MDGA2: variants seen among roughly 807,000 people sequenced by gnomAD.
MDGA2 encodes the protein MAM domain containing glycosylphosphatidylinositol anchor 2.
Under a neutral mutation model 117.8 loss-of-function variants are expected in MDGA2, and 40 were observed. The observed-to-expected ratio is 0.34, with a 90% CI of 0.26 to 0.44. MDGA2 has a LOEUF of 0.44. MDGA2 is among the 20% of genes least tolerant of loss of function. The pLI, the probability that MDGA2 is intolerant of heterozygous loss-of-function variation, is 1.00. For synonymous variants in MDGA2, 452 were observed against 439.0 expected, an observed-to-expected ratio of 1.03 and a Z score of -0.37; for missense variants, 1,123 against 1,250.6, an observed-to-expected ratio of 0.90 and a Z score of 1.54.
chr14:47,665,955 A>C (rs1324750675), intron 1 of MDGA2, among the ~76,000 whole-genome samples: 2 of 150,758 alleles, frequency 1.3e-5, no homozygotes, highest in Non-Finnish European at 3.0e-5. Context: ...GGCGCACCAC[A>C]CAGGACTGGC....
intron 8 of MDGA2, among the ~76,000 whole-genome samples, chr14:47,020,407 T>A (rs1029493590): frequency 2.0e-5 from 3 of 152,078 alleles, no homozygotes; most frequent in Admixed American, 6.6e-5. Flanking sequence ...CCATCTTAAG[T>A]ACAAAAATGA....
intron 12 of MDGA2, among the ~76,000 whole-genome samples, chr14:46,875,891 T>C (rs1271234233): frequency 1.3e-5 from 2 of 151,650 alleles, no homozygotes; most frequent in Non-Finnish European, 3.0e-5. Flanking sequence ...AAATTATGTA[T>C]AATGAATTTT....
At chr14:47,267,480 A>AT (rs1047993752) in intron 2 of MDGA2, among the ~76,000 whole-genome samples, 4 of 151,496 alleles carry the variant, frequency 2.6e-5, no homozygotes, top group Admixed American at 6.6e-5. Flanking sequence ...TATTTATGTC[A>AT]TTTTTTTTCT....
At chr14:47,540,597 C>G (rs1288068993) in intron 1 of MDGA2, among the ~76,000 whole-genome samples, 1 of 146,378 alleles carries the variant, frequency 6.8e-6, no homozygotes, top group Non-Finnish European at 1.5e-5. Flanking sequence ...CAGGATCTTG[C>G]TCTTTCACTC....
chr14:47,358,428 T>G (rs377661652), intron 1 of MDGA2, among the ~76,000 whole-genome samples: 1 of 152,292 alleles, frequency 6.6e-6, no homozygotes. Context: ...ACCCACCCGT[T>G]GTGCGGGTAT....
At chr14:47,270,438 C>T (rs966366380) in intron 2 of MDGA2, among the ~76,000 whole-genome samples, 1 of 151,982 alleles carries the variant, frequency 6.6e-6, no homozygotes, top group Non-Finnish European at 1.5e-5. Context: ...TGTAAGAACT[C>T]GGAGAGAAAG....
intron 14 of MDGA2, among the ~76,000 whole-genome samples, chr14:46,865,069 A>C (rs1881693568): frequency 6.6e-6 from 1 of 152,094 alleles, no homozygotes; most frequent in Non-Finnish European, 1.5e-5. Context: ...AATATATTTG[A>C]TATGTAAGCA....
chr14:47,314,785 A>C (rs574556962), intron 1 of MDGA2, among the ~76,000 whole-genome samples: 1 of 152,302 alleles, frequency 6.6e-6, no homozygotes, highest in Admixed American at 6.5e-5. Flanking sequence ...TATAAATATC[A>C]AGCCATAAAG....
intron 2 of MDGA2, among the ~76,000 whole-genome samples, chr14:47,295,211 G>A (rs931536557): frequency 6.6e-6 from 1 of 152,174 alleles, no homozygotes; most frequent in East Asian, 1.9e-4. Flanking sequence ...TGCTTTGATT[G>A]ATGCACATTC....
intron 6 of MDGA2, among the ~76,000 whole-genome samples, chr14:47,085,347 A>C (rs1170705295): frequency 6.6e-6 from 1 of 152,172 alleles, no homozygotes. Context: ...CAATCAAGAA[A>C]ACCTAGAATT....
chr14:46,844,974 C>CGCGTTCA (rs1361761741), intron 16 of MDGA2, among the ~76,000 whole-genome samples: 3 of 152,168 alleles, frequency 2.0e-5, no homozygotes, highest in Non-Finnish European at 4.4e-5. Flanking sequence ...CTCCGCCTCC[C>CGCGTTCA]GCGTTCACGC....
intron 8 of MDGA2, among the ~76,000 whole-genome samples, chr14:46,972,677 A>C (rs963703227): frequency 8.5e-5 from 13 of 152,134 alleles, no homozygotes; most frequent in African/African-American, 2.9e-4. Context: ...ACTCCTACAA[A>C]CTAACATAGA....
intron 1 of MDGA2, among the ~76,000 whole-genome samples, chr14:47,549,356 T>TC (rs199568034): frequency 2.7e-5 from 4 of 149,858 alleles, no homozygotes; most frequent in African/African-American, 1.0e-4. Context: ...TCTCTCTCTC[T>TC]CTCTCTCTCT....
At chr14:47,071,195 A>G (rs1385457814) in intron 6 of MDGA2, among the ~76,000 whole-genome samples, 1 of 152,194 alleles carries the variant, frequency 6.6e-6, no homozygotes, top group African/African-American at 2.4e-5. Context: ...ATGTTGCTCA[A>G]AGATGGAATG....
chr14:47,584,520 A>G (rs1222602548), intron 1 of MDGA2, among the ~76,000 whole-genome samples: 1 of 151,808 alleles, frequency 6.6e-6, no homozygotes, highest in African/African-American at 2.4e-5. Flanking sequence ...CAAATTTCAT[A>G]TTTCTTAAAT....
intron 1 of MDGA2, among the ~76,000 whole-genome samples, chr14:47,496,062 TA>T (rs2138663733): frequency 6.6e-6 from 1 of 152,270 alleles, no homozygotes; most frequent in South Asian, 2.1e-4. Context: ...ATTTAATAAT[TA>T]AAATATATTT....
chr14:47,301,295 CCA>C (rs71112491), intron 2 of MDGA2, 114 bp downstream of exon 2: 285,917 of 932,344 alleles, frequency 0.31, 18,958 homozygotes, highest in Admixed American at 0.46. Context: ...CCACACCCAC[CCA>C]CACACACACA....
At chr14:46,961,531 A>G (rs1426736016) in intron 8 of MDGA2, among the ~76,000 whole-genome samples, 1 of 152,080 alleles carries the variant, frequency 6.6e-6, no homozygotes, top group African/African-American at 2.4e-5. Context: ...CTTTTTCTGT[A>G]TAGTTATTTT....
intron 10 of MDGA2, among the ~76,000 whole-genome samples, chr14:46,896,735 T>C (rs921481358): frequency 6.6e-6 from 1 of 152,140 alleles, no homozygotes; most frequent in African/African-American, 2.4e-5. Context: ...CAATATTGTA[T>C]TTTAGTGATT....
Sources: gnomAD v4.1 joint callset for allele counts (sites outside exome capture counted in the v4.1 genomes callset) on GRCh38, gnomAD v4.1.1 for gene constraint, MANE v1.5 for transcripts, NCBI Gene and HGNC (gene_info 2026-07-23, HGNC 2026-07-21) for gene names.